ENTREP2: variants seen among roughly 807,000 people sequenced by gnomAD.
ENTREP2 encodes endosomal transmembrane epsin interactor 2, also known as protein ENTREP2.
the ENTREP2 span, among the ~76,000 whole-genome samples, chr15:29,241,073 A>G: frequency 1.3e-5 from 2 of 152,222 alleles, no homozygotes; most frequent in African/African-American, 4.8e-5. Flanking sequence ...AGTAGGAAAA[A>G]TATTTTAATT....
the ENTREP2 span, among the ~76,000 whole-genome samples, chr15:29,488,905 A>G: frequency 6.6e-5 from 10 of 152,222 alleles, no homozygotes; most frequent in African/African-American, 2.4e-4. Context: ...AAAATATCAG[A>G]AACAGGTAAC....
At chr15:29,520,294 TC>T in the ENTREP2 span, among the ~76,000 whole-genome samples, 2 of 152,146 alleles carry the variant, frequency 1.3e-5, no homozygotes, top group Non-Finnish European at 2.9e-5. Flanking sequence ...AATAATATTC[TC>T]CATAAATATA....
the ENTREP2 span, among the ~76,000 whole-genome samples, chr15:29,160,360 C>T: frequency 5.3e-5 from 8 of 152,118 alleles, no homozygotes; most frequent in South Asian, 4.1e-4. Flanking sequence ...CCTCAAGTGC[C>T]GCCAAAGTGG....
At chr15:29,138,761 C>T in the ENTREP2 span, among the ~76,000 whole-genome samples, 1 of 151,740 alleles carries the variant, frequency 6.6e-6, no homozygotes, top group Non-Finnish European at 1.5e-5. Context: ...TCACCCTACA[C>T]AAGCAAGGAC....
chr15:29,623,027 T>C, the ENTREP2 span, among the ~76,000 whole-genome samples: 5 of 152,236 alleles, frequency 3.3e-5, no homozygotes, highest in African/African-American at 4.8e-5. Context: ...GAGTTCCTAG[T>C]GTAGCAGTTA....
the ENTREP2 span, among the ~76,000 whole-genome samples, chr15:29,585,725 G>A: frequency 3.0e-4 from 46 of 152,022 alleles, no homozygotes; most frequent in Middle Eastern, 3.4e-3. Flanking sequence ...GCGCGGTGGC[G>A]GGCGCCTGTA....
At chr15:29,195,346 A>G in the ENTREP2 span, 1 of 984,722 alleles carries the variant, frequency 1.0e-6, no homozygotes, top group South Asian at 4.7e-5. Context: ...AGGACTAATC[A>G]CAAGCACTCA....
the ENTREP2 span, among the ~76,000 whole-genome samples, chr15:29,211,387 G>A: frequency 6.6e-6 from 1 of 152,190 alleles, no homozygotes; most frequent in Non-Finnish European, 1.5e-5. Context: ...GCATGACCCA[G>A]CCCCTGTTCC....
the ENTREP2 span, among the ~76,000 whole-genome samples, chr15:29,383,550 C>T: frequency 6.6e-6 from 1 of 152,158 alleles, no homozygotes; most frequent in Non-Finnish European, 1.5e-5. Flanking sequence ...GCCAGGCATC[C>T]GGGCACTGGC....
chr15:29,300,907 C>T, the ENTREP2 span, among the ~76,000 whole-genome samples: 3 of 152,206 alleles, frequency 2.0e-5, no homozygotes, highest in African/African-American at 7.2e-5. Context: ...AGAACATAGT[C>T]TTAATATGCT....
the ENTREP2 span, among the ~76,000 whole-genome samples, chr15:29,357,830 G>C: frequency 1.3e-5 from 2 of 149,452 alleles, no homozygotes; most frequent in Non-Finnish European, 3.0e-5. Context: ...CAGAGCAAGA[G>C]AGCGAGACTC....
the ENTREP2 span, chr15:29,123,466 T>C: frequency 6.4e-7 from 1 of 1,551,554 alleles, no homozygotes; most frequent in African/African-American, 1.4e-5. Flanking sequence ...GTGTGAGTGT[T>C]CCAAAAACTT....
chr15:29,148,854 T>C, the ENTREP2 span, among the ~76,000 whole-genome samples: 94 of 152,192 alleles, frequency 6.2e-4, 1 homozygote, highest in African/African-American at 2.2e-3. Flanking sequence ...AATGTGTATG[T>C]GGACTCCCTC....
At chr15:29,209,173 T>C in the ENTREP2 span, among the ~76,000 whole-genome samples, 2 of 152,208 alleles carry the variant, frequency 1.3e-5, no homozygotes. Context: ...TCTCTGGCTA[T>C]GTCTGAGCTA....
chr15:29,588,128 T>C, the ENTREP2 span, among the ~76,000 whole-genome samples: 2 of 152,130 alleles, frequency 1.3e-5, no homozygotes, highest in African/African-American at 2.4e-5. Flanking sequence ...GGCCTCCTGA[T>C]GAAAGAACAA....
At chr15:29,131,481 A>G in the ENTREP2 span, among the ~76,000 whole-genome samples, 1 of 149,098 alleles carries the variant, frequency 6.7e-6, no homozygotes, top group Admixed American at 6.7e-5. Flanking sequence ...AAGCCATAAA[A>G]TATCTGCCCA....
chr15:29,244,711 C>A, the ENTREP2 span, among the ~76,000 whole-genome samples: 1 of 152,182 alleles, frequency 6.6e-6, no homozygotes, highest in Admixed American at 6.5e-5. Flanking sequence ...GAGTCTCCCC[C>A]ACGCAGGCAG....
At chr15:29,658,474 C>T in the ENTREP2 span, among the ~76,000 whole-genome samples, 3 of 151,968 alleles carry the variant, frequency 2.0e-5, no homozygotes, top group African/African-American at 4.8e-5. Flanking sequence ...TATCAAAAAG[C>T]GGAATGGGGG....
At chr15:29,637,213 T>C in the ENTREP2 span, among the ~76,000 whole-genome samples, 2 of 152,226 alleles carry the variant, frequency 1.3e-5, no homozygotes, top group African/African-American at 4.8e-5. Context: ...CAGCCCCTGA[T>C]TAAATGTTAC....
Sources: gnomAD v4.1 joint callset for allele counts (sites outside exome capture counted in the v4.1 genomes callset) on GRCh38, gnomAD v4.1.1 for gene constraint, MANE v1.5 for transcripts, NCBI Gene and HGNC (gene_info 2026-07-23, HGNC 2026-07-21) for gene names.